Variants in DEPDC5 observed in about 807,000 individuals in gnomAD.
DEPDC5 encodes the protein GATOR1 complex protein DEPDC5.
In DEPDC5, 73 loss-of-function variants were observed where a neutral mutation model predicts 217.3. The observed-to-expected ratio is 0.34, with a 90% CI of 0.28 to 0.41. The LOEUF is 0.41. Ranked by LOEUF, DEPDC5 falls within the 10% of genes least tolerant of loss-of-function variation. DEPDC5 has a pLI of 1.00. For synonymous variants in DEPDC5, 733 were observed against 756.7 expected, an observed-to-expected ratio of 0.97 and a Z score of 0.51; for missense variants, 1,675 against 2,070.1, an observed-to-expected ratio of 0.81 and a Z score of 3.70.
chr22:31,865,473 G>A (rs2092664283), intron 33 of DEPDC5, among the ~76,000 whole-genome samples: 1 of 152,098 alleles, frequency 6.6e-6, no homozygotes, highest in African/African-American at 2.4e-5. Context: ...TCCAGCCCGG[G>A]CGACAGAGCA....
intron 7 of DEPDC5, among the ~76,000 whole-genome samples, chr22:31,774,086 A>AAAC (rs755751024): frequency 2.0e-5 from 3 of 152,044 alleles, no homozygotes; most frequent in Admixed American, 6.6e-5. Flanking sequence ...AAACAAAACA[A>AAAC]AACAACAACA....
intron 38 of DEPDC5, among the ~76,000 whole-genome samples, chr22:31,887,095 AAGAG>A (rs549203517): frequency 1.8e-3 from 273 of 150,194 alleles, no homozygotes; most frequent in African/African-American, 4.2e-3. Flanking sequence ...AAAAAAAAAA[AAGAG>A]AGAGAGAGAG....
At chr22:31,771,750 C>T (rs1160280790) in intron 7 of DEPDC5, among the ~76,000 whole-genome samples, 1 of 133,100 alleles carries the variant, frequency 7.5e-6, no homozygotes, top group African/African-American at 2.6e-5. Context: ...CACACACACA[C>T]ACACACACAC....
In DEPDC5 at chr22:31,758,895, G is replaced by C. The variant is rs888326360; in HGVS notation, c.146+262G>C. Reference sequence around the variant, plus strand: ...ATCAACAAATAATTTTTCAAAAGTGGTCCATTCCTTCGTTTTTTTTTTTTT... The same window carrying C: ...ATCAACAAATAATTTTTCAAAAGTGCTCCATTCCTTCGTTTTTTTTTTTTT... On this transcript the variant is annotated intron_variant, in intron 3 of 42. Transcript: ENST00000651528. 2.6e-4 allele frequency among the ~76,000 whole-genome samples: 39 copies of C among 151,654 alleles called. 1 individual carries two copies. The highest frequency in any genetic ancestry group is 1.9e-4 in the Non-Finnish European group (13 of 67,930).
intron 33 of DEPDC5, among the ~76,000 whole-genome samples, chr22:31,867,947 A>G (rs1169233941): frequency 1.3e-5 from 2 of 152,232 alleles, no homozygotes; most frequent in Non-Finnish European, 2.9e-5. Flanking sequence ...TATATGCATA[A>G]GAGCTGGTTC....
Position 31,873,264 on chromosome 22 carries a change from G to A in DEPDC5, c.3495G>A (p.Gln1165=). ...STNSSDSSSQ[Q]LVASSLTSSS... ...ACACCCTGTGTTACAGCTCTCAGCAGCTGGTGGCAAGCTCCTTGACCTCAT... is the reference window on the plus strand; with the variant it reads ...ACACCCTGTGTTACAGCTCTCAGCAACTGGTGGCAAGCTCCTTGACCTCAT... The change falls in exon 35 of 43, where the codon CAG becomes CAA. Residue 1165 remains glutamine, a synonymous_variant. Transcript: ENST00000651528. 2 of 1,614,068 alleles carry A rather than the reference G, an allele frequency of 1.2e-6. No individual in the cohort carries two copies. The highest frequency in any genetic ancestry group is 1.7e-6 in the Non-Finnish European group (2 of 1,179,948).
At chr22:31,801,573 C>A (rs2086870539) in intron 14 of DEPDC5, among the ~76,000 whole-genome samples, 1 of 152,126 alleles carries the variant, frequency 6.6e-6, no homozygotes. Context: ...ATGGAGCAGC[C>A]AGGAAAGGCT....
intron 6 of DEPDC5, among the ~76,000 whole-genome samples, chr22:31,767,371 C>G (rs936591221): frequency 6.6e-6 from 1 of 152,052 alleles, no homozygotes; most frequent in South Asian, 2.1e-4. Context: ...TCTCGGCTCA[C>G]CACAACCTCG....
chr22:31,833,734 T>G, intron 24 of DEPDC5, 181 bp from the exon 25 acceptor site: 1 of 479,822 alleles, frequency 2.1e-6, no homozygotes, highest in Non-Finnish European at 3.7e-6. Context: ...TCATTCCCAA[T>G]TTTAGATTGA....
chr22:31,885,363 C>A (rs753457697), intron 38 of DEPDC5, among the ~76,000 whole-genome samples: 6 of 152,200 alleles, frequency 3.9e-5, no homozygotes, highest in South Asian at 4.1e-4. Context: ...TTTCCTTCCG[C>A]CTGGGGCACT....
At chr22:31,889,473 C>T (rs2093389738) in intron 38 of DEPDC5, among the ~76,000 whole-genome samples, 1 of 151,236 alleles carries the variant, frequency 6.6e-6, no homozygotes, top group South Asian at 2.1e-4. Context: ...TGAATATCCT[C>T]GTCTTTGTGA....
chr22:31,856,188 C>CAG (rs1223987729), intron 31 of DEPDC5, among the ~76,000 whole-genome samples: 1 of 146,366 alleles, frequency 6.8e-6, no homozygotes, highest in African/African-American at 2.6e-5. Context: ...CACACACACA[C>CAG]ACTTCATTGC....
intron 10 of DEPDC5, 108 bp from the exon 11 acceptor site, chr22:31,791,925 C>CA (rs34494517): frequency 0.086 from 10,593 of 123,838 alleles, 1,319 homozygotes; most frequent in Non-Finnish European, 0.11. Flanking sequence ...GACTCCGTCT[C>CA]AAAAAAAAAA....
intron 31 of DEPDC5, among the ~76,000 whole-genome samples, chr22:31,857,179 G>A (rs1316669660): frequency 6.6e-6 from 1 of 152,198 alleles, no homozygotes; most frequent in Non-Finnish European, 1.5e-5. Context: ...AACCATGTCA[G>A]TCCCCTTTTT....
chr22:31,896,558 A>G (rs2093556730), intron 39 of DEPDC5, among the ~76,000 whole-genome samples: 1 of 152,128 alleles, frequency 6.6e-6, no homozygotes, highest in Non-Finnish European at 1.5e-5. Flanking sequence ...TTTTATGGTT[A>G]AAAAGAGTAT....
In DEPDC5 at chr22:31,906,844, G is replaced by A. The variant is rs1489322536; in HGVS notation, c.*347G>A. On this transcript the variant is annotated 3_prime_UTR_variant, in exon 43 of 43. Transcript: ENST00000651528. The surrounding 1 kb of genome is among the most constrained non-coding windows in gnomAD (Gnocchi z 5.1). ...TGTCCTCGGAAGGGGGTGGCTCCTG[G>A]TAGCATCCTTTTCCTTCACCATCTA... 3.2e-5 allele frequency: 13 copies of A among 408,168 alleles called. No homozygotes were observed. The East Asian group carries it at 5.5e-4, about 17-fold the overall frequency. The allele number at this position is 408,168 out of a possible 1,614,324, so 25.3% of individuals were successfully genotyped here.
intron 31 of DEPDC5, among the ~76,000 whole-genome samples, chr22:31,856,173 A>ACG (rs978786496): frequency 6.6e-6 from 1 of 151,208 alleles, no homozygotes; most frequent in Non-Finnish European, 1.5e-5. Flanking sequence ...ACACACACAC[A>ACG]CACACACACA....
intron 18 of DEPDC5, among the ~76,000 whole-genome samples, chr22:31,808,488 G>T (rs2087834043): frequency 6.6e-6 from 1 of 151,728 alleles, no homozygotes; most frequent in African/African-American, 2.4e-5. Context: ...AGGCTGGAGT[G>T]CAATGGCACA....
In DEPDC5 at chr22:31,802,837, T is replaced by C. The variant is rs1400775260; in HGVS notation, c.1080T>C (p.Asn360=). ...MILTKQRMID[N]GIGVDLVCMG... ...TGACCAAGCAGCGGATGATAGATAATGGTAATGCTCTCTGGTTTGTGCCCT... is the reference window on the plus strand; with the variant it reads ...TGACCAAGCAGCGGATGATAGATAACGGTAATGCTCTCTGGTTTGTGCCCT... Residue 360 remains asparagine, a splice_region_variant and synonymous_variant, in exon 15 of 43, where the codon AAT becomes AAC. Transcript: ENST00000651528. 6.3e-7 allele frequency: 1 copy of C among 1,598,950 alleles called. No individual in the cohort carries two copies. Among genetic ancestry groups the C allele is most frequent in the African/African-American group, 1.3e-5 (1 of 74,484 alleles).
Sources: gnomAD v4.1 joint callset for allele counts (sites outside exome capture counted in the v4.1 genomes callset) on GRCh38, gnomAD v4.1.1 for gene constraint, Gnocchi (gnomAD v3.1) non-coding constraint, MANE v1.5 for transcripts, NCBI Gene and HGNC (gene_info 2026-07-23, HGNC 2026-07-21) for gene names.